CACNA1C: variants seen among roughly 807,000 people sequenced by gnomAD.
CACNA1C encodes the protein voltage-dependent L-type calcium channel subunit alpha-1C.
CACNA1C carries 30 observed loss-of-function variants against 229.0 expected under a neutral mutation model. That is an observed-to-expected ratio of 0.13 (90% CI 0.10 to 0.18). The LOEUF is 0.18. CACNA1C is among the 10% of genes least tolerant of loss of function. The pLI is 1.00. For synonymous variants in CACNA1C, 1,114 were observed against 1,132.5 expected, an observed-to-expected ratio of 0.98 and a Z score of 0.33; for missense variants, 1,658 against 2,845.0, an observed-to-expected ratio of 0.58 and a Z score of 9.49.
intron 3 of CACNA1C, among the ~76,000 whole-genome samples, chr12:2,253,734 T>C (rs904515338): frequency 6.6e-6 from 1 of 152,252 alleles, no homozygotes; most frequent in East Asian, 1.9e-4. Context: ...GTCCATCCAC[T>C]GGTAACCTAC....
intron 3 of CACNA1C, among the ~76,000 whole-genome samples, chr12:2,392,589 T>C (rs923839679): frequency 1.3e-4 from 20 of 152,192 alleles, no homozygotes; most frequent in Non-Finnish European, 1.2e-4. Context: ...CCCTGAGCTA[T>C]TTTCCTTATT....
chr12:2,482,417 C>T (rs1324202057), intron 5 of CACNA1C, among the ~76,000 whole-genome samples: 1 of 152,224 alleles, frequency 6.6e-6, no homozygotes, highest in Non-Finnish European at 1.5e-5. Context: ...CCCTGTGCCA[C>T]CACTTCCCAG....
chr12:2,547,535 C>T (rs757843358), intron 9 of CACNA1C: 15 of 779,462 alleles, frequency 1.9e-5, no homozygotes, highest in African/African-American at 3.4e-5. Context: ...GTAATGTTCC[C>T]CTGTGCTCTG....
At chr12:2,165,188 C>G (rs980901015) in intron 3 of CACNA1C, among the ~76,000 whole-genome samples, 1 of 152,222 alleles carries the variant, frequency 6.6e-6, no homozygotes, top group Non-Finnish European at 1.5e-5. Context: ...AAACAGGCTG[C>G]TCTTGCTTCC....
intron 3 of CACNA1C, among the ~76,000 whole-genome samples, chr12:2,276,674 C>T (rs995354350): frequency 6.6e-6 from 1 of 152,124 alleles, no homozygotes; most frequent in African/African-American, 2.4e-5. Flanking sequence ...GTGTGTTTAG[C>T]AGAGTAATTG....
At chr12:2,106,624 C>G (rs190726546) in intron 1 of CACNA1C, among the ~76,000 whole-genome samples, 225 of 79,302 alleles carry the variant, frequency 2.8e-3, no homozygotes, top group South Asian at 4.8e-3. Context: ...GCTGGGCATC[C>G]TGAAGCCACT....
At chr12:2,081,495 C>T (rs988921768) in intron 1 of CACNA1C, among the ~76,000 whole-genome samples, 33 of 151,838 alleles carry the variant, frequency 2.2e-4, no homozygotes, top group African/African-American at 7.5e-4. Flanking sequence ...GGCGTGAACC[C>T]GGGAGGTGGA....
intron 5 of CACNA1C, among the ~76,000 whole-genome samples, chr12:2,458,489 C>G (rs1012508129): frequency 6.6e-6 from 1 of 152,214 alleles, no homozygotes; most frequent in Admixed American, 6.5e-5. Context: ...TTTAGAACTC[C>G]TTTCTACTCT....
At chr12:2,427,688 C>G (rs371727069) in intron 3 of CACNA1C, among the ~76,000 whole-genome samples, 160 of 152,180 alleles carry the variant, frequency 1.1e-3, no homozygotes, top group African/African-American at 3.7e-3. Flanking sequence ...ATGGTGTGAT[C>G]TCAGCTCACT....
In CACNA1C at chr12:2,476,218, C is replaced by T. The variant is rs575960637; in HGVS notation, c.758-9886C>T. On this transcript the variant is annotated intron_variant, in intron 5 of 46. Coordinates refer to ENST00000399655, the MANE Select transcript of CACNA1C (RefSeq NM_000719.7). ...TGCACTGTTGAGAAGGATTGTGAGGCCCCATCTGGACCAGAGGGAAGGAGC... is the reference window on the plus strand; with the variant it reads ...TGCACTGTTGAGAAGGATTGTGAGGTCCCATCTGGACCAGAGGGAAGGAGC... Among the ~76,000 whole-genome samples the T allele has an allele frequency of 2.6e-5, 4 of 152,322 alleles. No homozygotes were observed. The South Asian group carries it at 8.3e-4, about 32-fold the overall frequency.
At chr12:2,095,383 T>C (rs940743341) in intron 1 of CACNA1C, among the ~76,000 whole-genome samples, 7 of 152,240 alleles carry the variant, frequency 4.6e-5, no homozygotes, top group Non-Finnish European at 8.8e-5. Context: ...TACAGCGTTT[T>C]TACAGCTCTA....
At chr12:2,041,270 C>CCTTTTTTTT (rs1431120411) in intron 1 of CACNA1C, among the ~76,000 whole-genome samples, 3 of 91,008 alleles carry the variant, frequency 3.3e-5, no homozygotes, top group African/African-American at 8.4e-5. Context: ...TAAGGGTATT[C>CCTTTTTTTT]TTTTTTTTTT....
intron 3 of CACNA1C, among the ~76,000 whole-genome samples, chr12:2,338,509 A>G (rs372969909): frequency 3.0e-4 from 41 of 135,320 alleles, no homozygotes; most frequent in African/African-American, 8.0e-4. Context: ...TGAAGCTGAT[A>G]CAGCTGGAAC....
intron 13 of CACNA1C, among the ~76,000 whole-genome samples, chr12:2,568,211 A>C (rs79468509): frequency 0.028 from 4,294 of 152,146 alleles, 179 homozygotes; most frequent in East Asian, 0.13. Flanking sequence ...AAGAGAAAGG[A>C]GCAAAAGGGC....
Position 2,354,175 on chromosome 12 carries a change from C to T in CACNA1C, c.478-94801C>T, listed in dbSNP as rs2097287853. Among the ~76,000 whole-genome samples, 1 of 152,138 alleles carries T rather than the reference C, an allele frequency of 6.6e-6. No homozygotes were observed. ...GTCTGTTTTTCCAGAACCCCTTAAC[C>T]CAGTGGAAGCCCCGCCTTTCATGTG... On this transcript the variant is annotated intron_variant, in intron 3 of 46. Coordinates refer to ENST00000399655, the MANE Select transcript of CACNA1C (RefSeq NM_000719.7). This position sits in a 1 kb window ranked among gnomAD's most constrained non-coding sequence, Gnocchi z 4.6.
intron 4 of CACNA1C, among the ~76,000 whole-genome samples, chr12:2,453,007 A>C: frequency 6.6e-6 from 1 of 152,142 alleles, no homozygotes; most frequent in Non-Finnish European, 1.5e-5. Context: ...ACCAGCTAAC[A>C]TAGGAAGCCA....
chr12:2,086,611 G>GTTT (rs2067763058), intron 1 of CACNA1C, among the ~76,000 whole-genome samples: 1 of 152,198 alleles, frequency 6.6e-6, no homozygotes, highest in African/African-American at 2.4e-5. Context: ...ACAGTCCAGT[G>GTTT]CAGTTACTCC....
At chr12:2,578,089 C>T (rs1055437061) in intron 13 of CACNA1C, among the ~76,000 whole-genome samples, 3 of 151,978 alleles carry the variant, frequency 2.0e-5, no homozygotes, top group Admixed American at 1.3e-4. Flanking sequence ...AGGATGGTCT[C>T]GATCTCCTGA....
chr12:2,523,190 T>A (rs1049161332), intron 9 of CACNA1C, among the ~76,000 whole-genome samples: 1 of 151,942 alleles, frequency 6.6e-6, no homozygotes, highest in Non-Finnish European at 1.5e-5. Flanking sequence ...TTTGATTTTT[T>A]TTTAAGTTGA....
Sources: allele counts gnomAD v4.1 joint callset (sites outside exome capture counted in the v4.1 genomes callset), GRCh38; gene constraint gnomAD v4.1.1; non-coding constraint Gnocchi (gnomAD v3.1); transcripts MANE v1.5; gene names NCBI Gene and HGNC (gene_info 2026-07-23, HGNC 2026-07-21).